Variants in PALS2 observed in about 807,000 individuals in gnomAD.
The protein encoded by PALS2 is protein associated with LIN7 2, MAGUK p55 family member.
PALS2 carries 27 observed loss-of-function variants against 61.6 expected under a neutral mutation model. That is an observed-to-expected ratio of 0.44 (90% CI 0.32 to 0.60). The LOEUF is 0.60. Ranked by LOEUF, PALS2 falls within the 20% of genes least tolerant of loss-of-function variation. The pLI, the probability that PALS2 is intolerant of heterozygous loss-of-function variation, is 0.05. For missense variants in PALS2, 554 were observed against 639.4 expected (o/e 0.87, Z 1.44); for synonymous variants, 236 against 218.6 (o/e 1.08, Z -0.70).
intron 5 of PALS2, among the ~76,000 whole-genome samples, chr7:24,658,651 G>A (rs1216171385): frequency 4.6e-5 from 7 of 151,812 alleles, no homozygotes; most frequent in Non-Finnish European, 1.0e-4. Flanking sequence ...CCACCTCCTG[G>A]GTTCAAGTGA....
intron 1 of PALS2, among the ~76,000 whole-genome samples, chr7:24,615,645 A>C (rs1212473657): frequency 2.6e-5 from 4 of 151,800 alleles, no homozygotes; most frequent in Admixed American, 2.0e-4. Flanking sequence ...TGGCTTCACC[A>C]CTAAATTATC....
chr7:24,630,530 A>G (rs1279993674), intron 2 of PALS2, among the ~76,000 whole-genome samples: 1 of 152,220 alleles, frequency 6.6e-6, no homozygotes, highest in African/African-American at 2.4e-5. Context: ...GTTACCCAGA[A>G]GATCTAGCTG....
chr7:24,594,282 T>A (rs929829353), intron 1 of PALS2, among the ~76,000 whole-genome samples: 2 of 152,124 alleles, frequency 1.3e-5, no homozygotes, highest in Non-Finnish European at 2.9e-5. Flanking sequence ...GTGACTGGTT[T>A]GATCTCCAGA....
Position 24,573,632 on chromosome 7 carries a change from C to A in PALS2, c.-3+39C>A. On this transcript the variant is annotated intron_variant, in intron 1 of 11. Coordinates refer to ENST00000222644, the MANE Select transcript of PALS2 (RefSeq NM_001303037.2). The surrounding 1 kb of genome is among the most constrained non-coding windows in gnomAD (Gnocchi z 5.3). ...ACCCCCACGCCGCTCGGGTAACGGT[C>A]GCGCCGCGCGCCGGGCCGGCCGGGG... 3.2e-6 allele frequency: 1 copy of A among 309,976 alleles called. No individual in the cohort carries two copies. The highest frequency in any genetic ancestry group is 1.4e-4 in the South Asian group (1 of 6,948). The allele number at this position is 309,976 out of a possible 1,614,324, so 19.2% of individuals were successfully genotyped here.
chr7:24,582,556 A>G, intron 1 of PALS2, among the ~76,000 whole-genome samples: 1 of 152,224 alleles, frequency 6.6e-6, no homozygotes, highest in South Asian at 2.1e-4. Flanking sequence ...TTTTTCATTA[A>G]CTGTAATAAA....
chr7:24,583,093 A>C (rs1201001940), intron 1 of PALS2, among the ~76,000 whole-genome samples: 1 of 151,858 alleles, frequency 6.6e-6, no homozygotes, highest in Non-Finnish European at 1.5e-5. Flanking sequence ...GGGTTTCACC[A>C]TGTTGGCCAG....
intron 7 of PALS2, 125 bp from the exon 8 acceptor site, chr7:24,665,895 AC>A: frequency 9.7e-7 from 1 of 1,026,796 alleles, no homozygotes. Flanking sequence ...ACTCACCTCC[AC>A]CCTCTTTTGC....
chr7:24,582,495 G>C (rs1388583682), intron 1 of PALS2, among the ~76,000 whole-genome samples: 2 of 151,880 alleles, frequency 1.3e-5, no homozygotes, highest in Non-Finnish European at 2.9e-5. Flanking sequence ...TACTTTATTG[G>C]TATTACCAGC....
intron 8 of PALS2, among the ~76,000 whole-genome samples, chr7:24,667,628 C>T (rs938112745): frequency 8.1e-5 from 12 of 147,310 alleles, no homozygotes; most frequent in Admixed American, 2.7e-4. Context: ...AAGGATAAAA[C>T]ATAGAATTTT....
At position 24,636,305 on chromosome 7, in the gene PALS2, A is replaced by G. The variant is rs58445914; in HGVS notation, c.118-5411A>G. Among the ~76,000 whole-genome samples, 766 of 152,118 alleles carry G rather than the reference A, an allele frequency of 5.0e-3. 10 individuals carry two copies. The highest frequency in any genetic ancestry group is 0.018 in the African/African-American group (745 of 41,482). ...ATGTTCCCACTAGAAAAAATATGTC[A>G]AAGTGCCTGTCTTCTCCCATATTCT... On this transcript the variant is annotated intron_variant, in intron 2 of 11. Transcript: ENST00000222644.
At chr7:24,597,942 A>T (rs2128046141) in intron 1 of PALS2, among the ~76,000 whole-genome samples, 1 of 152,228 alleles carries the variant, frequency 6.6e-6, no homozygotes, top group African/African-American at 2.4e-5. Context: ...TTTTTGTAGG[A>T]CCAGGGCAAT....
chr7:24,683,339 T>TC lies in PALS2; in HGVS notation c.1446+2823dup, dbSNP rs1788030781. On this transcript the variant is annotated intron_variant, in intron 11 of 11. Transcript: ENST00000222644. ...TCAGCTTTCAGAATAATGAGTTTAT[T>TC]CCCCAAGAGCCTCTAGAGGTAACAG... Among the ~76,000 whole-genome samples the TC allele has an allele frequency of 2.6e-5, 4 of 152,306 alleles. No individual in the cohort carries two copies. In the South Asian group the frequency reaches 8.3e-4, roughly 32 times the overall value.
In PALS2 at chr7:24,688,585, G is replaced by T. The variant is rs1406793995; in HGVS notation, c.*971G>T. ...GATGCCTCTAAGTTTGCAGTTGGAG[G>T]TTTTTGTGCTTTTAGAAATGTGATG... On this transcript the variant is annotated 3_prime_UTR_variant, in exon 12 of 12. Coordinates refer to ENST00000222644, the MANE Select transcript of PALS2 (RefSeq NM_001303037.2). 6.6e-6 allele frequency: 1 copy of T among 152,056 alleles called. No homozygotes were observed. Among genetic ancestry groups the T allele is most frequent in the Non-Finnish European group, 1.5e-5 (1 of 68,010 alleles). 9.4% of individuals were successfully genotyped at this position (152,056 alleles called of 1,614,324 possible).
At chr7:24,587,252 G>T (rs1490144011) in intron 1 of PALS2, among the ~76,000 whole-genome samples, 1 of 152,084 alleles carries the variant, frequency 6.6e-6, no homozygotes, top group Non-Finnish European at 1.5e-5. Context: ...AATGACGATG[G>T]ATGAGTGTGG....
intron 9 of PALS2, among the ~76,000 whole-genome samples, chr7:24,669,246 T>G (rs1249031186): frequency 1.3e-5 from 2 of 152,218 alleles, no homozygotes; most frequent in African/African-American, 2.4e-5. Context: ...AACCAAGCAC[T>G]CATTTTATGG....
At chr7:24,637,242 A>G (rs973942591) in intron 2 of PALS2, among the ~76,000 whole-genome samples, 5 of 146,666 alleles carry the variant, frequency 3.4e-5, no homozygotes, top group Admixed American at 6.8e-5. Flanking sequence ...GCAATTTCTG[A>G]TATGTTCTTT....
At chr7:24,595,656 G>C (rs1456256500) in intron 1 of PALS2, among the ~76,000 whole-genome samples, 8 of 148,028 alleles carry the variant, frequency 5.4e-5, no homozygotes, top group Non-Finnish European at 1.0e-4. Context: ...ACAGAACAAT[G>C]AGTGAATTTT....
intron 3 of PALS2, among the ~76,000 whole-genome samples, chr7:24,642,881 A>G (rs1785635705): frequency 1.3e-5 from 2 of 152,128 alleles, no homozygotes; most frequent in African/African-American, 4.8e-5. Context: ...ACAATGGGAA[A>G]CTTTAGGTGT....
rs190037427 is a variant in PALS2 at position 24,666,541 on chromosome 7, C to T, written c.952+452C>T. 5.3e-5 allele frequency among the ~76,000 whole-genome samples: 8 copies of T among 152,192 alleles called. No individual in the cohort carries two copies. In the East Asian group the frequency reaches 1.5e-3, roughly 29 times the overall value. On this transcript the variant is annotated intron_variant, in intron 8 of 11. Coordinates refer to ENST00000222644, the MANE Select transcript of PALS2 (RefSeq NM_001303037.2). ...TGGACCAAATAAATCTTAGTCTGAT[C>T]TAATAGAATTCTGTCTTAAATCTTT... is the stretch of plus-strand genomic sequence containing the variant.
Sources: gnomAD v4.1 joint callset for allele counts (sites outside exome capture counted in the v4.1 genomes callset) on GRCh38, gnomAD v4.1.1 for gene constraint, Gnocchi (gnomAD v3.1) non-coding constraint, MANE v1.5 for transcripts, NCBI Gene and HGNC (gene_info 2026-07-23, HGNC 2026-07-21) for gene names.